Variants in GMDS observed in about 807,000 individuals in gnomAD.
GMDS encodes GDP-mannose 4,6-dehydratase, also known as GDP-mannose 4,6 dehydratase.
GMDS carries 20 observed loss-of-function variants against 49.9 expected under a neutral mutation model. The ratio of observed to expected loss-of-function variants is 0.40; its 90% CI spans 0.28 to 0.58. The LOEUF (loss-of-function observed/expected upper bound fraction) is 0.58. GMDS is among the 20% of genes least tolerant of loss of function. The pLI is 0.42. For synonymous variants in GMDS, 177 were observed against 178.6 expected, an observed-to-expected ratio of 0.99 and a Z score of 0.07; for missense variants, 362 against 481.4, an observed-to-expected ratio of 0.75 and a Z score of 2.32.
At chr6:1,902,288 G>A (rs1046426039) in intron 7 of GMDS, among the ~76,000 whole-genome samples, 1 of 152,114 alleles carries the variant, frequency 6.6e-6, no homozygotes, top group Non-Finnish European at 1.5e-5. Flanking sequence ...TAGAATAAAA[G>A]GCAATGGTAA....
intron 4 of GMDS, among the ~76,000 whole-genome samples, chr6:2,025,988 T>A (rs866323885): frequency 6.6e-6 from 1 of 152,222 alleles, no homozygotes; most frequent in South Asian, 2.1e-4. Context: ...TCCTTAGAAC[T>A]TTTTTACATT....
chr6:1,730,781 T>C (rs1048226668), intron 8 of GMDS, among the ~76,000 whole-genome samples: 5 of 152,042 alleles, frequency 3.3e-5, no homozygotes, highest in African/African-American at 1.2e-4. Flanking sequence ...AGCCACAAGA[T>C]CTAACTATGC....
At chr6:1,840,401 T>C (rs1183460713) in intron 7 of GMDS, among the ~76,000 whole-genome samples, 1 of 152,116 alleles carries the variant, frequency 6.6e-6, no homozygotes, top group Non-Finnish European at 1.5e-5. Flanking sequence ...CCAGCAGTCA[T>C]GAAAATGGCT....
In GMDS at chr6:2,105,139, G is replaced by A. The variant is rs1458859594; in HGVS notation, c.345+10632C>T. On this transcript the variant is annotated intron_variant, in intron 4 of 10. Coordinates refer to ENST00000380815, the MANE Select transcript of GMDS (RefSeq NM_001500.4). ...GGAGCTTGCAGTGAGCGGAGATCAC[G>A]CCACTGCACTCCAGCCTGGGTGACA... 1.1e-4 allele frequency among the ~76,000 whole-genome samples: 15 copies of A among 130,794 alleles called. No individual in the cohort carries two copies. The South Asian group carries it at 2.1e-3, about 19-fold the overall frequency. The allele number at this position is 130,794 out of a possible 152,430, so 85.8% of individuals were successfully genotyped here.
intron 7 of GMDS, among the ~76,000 whole-genome samples, chr6:1,743,094 T>C (rs1298484268): frequency 3.3e-5 from 5 of 152,166 alleles, no homozygotes; most frequent in Non-Finnish European, 5.9e-5. Flanking sequence ...GAGAAGGTAC[T>C]AGTCAAAAAA....
chr6:1,662,084 G>A (rs1764097047), intron 9 of GMDS, among the ~76,000 whole-genome samples: 1 of 152,102 alleles, frequency 6.6e-6, no homozygotes, highest in Non-Finnish European at 1.5e-5. Flanking sequence ...GTGGCTGGAA[G>A]GCATTGTGCG....
chr6:2,047,320 A>G (rs1263880897), intron 4 of GMDS, among the ~76,000 whole-genome samples: 2 of 152,128 alleles, frequency 1.3e-5, no homozygotes, highest in Non-Finnish European at 2.9e-5. Context: ...GGATTCACCA[A>G]TGTAATTTTA....
intron 6 of GMDS, among the ~76,000 whole-genome samples, chr6:1,955,767 CAAA>C (rs60939377): frequency 9.3e-6 from 1 of 107,934 alleles, no homozygotes; most frequent in Non-Finnish European, 2.0e-5. Context: ...ATGAAGTCTT[CAAA>C]AAAAAAAAAG....
chr6:1,909,113 G>A (rs1045491402), intron 7 of GMDS, among the ~76,000 whole-genome samples: 4 of 152,124 alleles, frequency 2.6e-5, no homozygotes, highest in African/African-American at 9.7e-5. Flanking sequence ...CTGCCACTAG[G>A]AATAAAAAGA....
intron 7 of GMDS, among the ~76,000 whole-genome samples, chr6:1,900,334 C>T (rs756138796): frequency 4.6e-5 from 7 of 152,164 alleles, no homozygotes; most frequent in African/African-American, 9.7e-5. Context: ...CAGTGAACAC[C>T]GTCAACAATG....
At chr6:1,710,191 G>C (rs1340221940) in intron 9 of GMDS, among the ~76,000 whole-genome samples, 2 of 152,206 alleles carry the variant, frequency 1.3e-5, no homozygotes, top group Non-Finnish European at 2.9e-5. Flanking sequence ...CACTCTGCCT[G>C]TCAAGTTGAC....
rs1046114157 is a variant in GMDS, at chr6:1,836,651, C to A, written c.771+93452G>T. Among the ~76,000 whole-genome samples, 1 of 152,148 alleles carries A rather than the reference C, an allele frequency of 6.6e-6. No individual in the cohort carries two copies. Among genetic ancestry groups the A allele is most frequent in the Admixed American group, 6.5e-5 (1 of 15,274 alleles). ...CCATAAAAGGGAGATTGGGTAGAAG[C>A]GGCTGATGAACTGGTTACATTAACA... On this transcript the variant is annotated intron_variant, in intron 7 of 10. Coordinates refer to ENST00000380815, the MANE Select transcript of GMDS (RefSeq NM_001500.4). This position sits in a 1 kb window ranked among gnomAD's most constrained non-coding sequence, Gnocchi z 4.2.
At chr6:1,701,475 CT>C (rs2113366288) in intron 9 of GMDS, among the ~76,000 whole-genome samples, 1 of 152,252 alleles carries the variant, frequency 6.6e-6, no homozygotes, top group South Asian at 2.1e-4. Flanking sequence ...TACTCTGACA[CT>C]TTCCCATTCA....
chr6:2,142,181 G>T (rs1776331972), intron 1 of GMDS, among the ~76,000 whole-genome samples: 1 of 152,112 alleles, frequency 6.6e-6, no homozygotes, highest in Non-Finnish European at 1.5e-5. Flanking sequence ...AAAAGAGCAG[G>T]TTCCTGTTCA....
intron 1 of GMDS, among the ~76,000 whole-genome samples, chr6:2,243,787 C>CTTGAAA (rs372373426): frequency 2.3e-4 from 33 of 144,108 alleles, no homozygotes; most frequent in African/African-American, 6.9e-4. Flanking sequence ...GTATTCAATA[C>CTTGAAA]TTGAAATTGT....
At chr6:1,831,720 G>A (rs1171372916) in intron 7 of GMDS, among the ~76,000 whole-genome samples, 2 of 152,100 alleles carry the variant, frequency 1.3e-5, no homozygotes, top group African/African-American at 4.8e-5. Context: ...ATCTGAAGGA[G>A]CTGAAGCCTG....
At chr6:1,694,450 C>T (rs1765272120) in intron 9 of GMDS, among the ~76,000 whole-genome samples, 1 of 152,220 alleles carries the variant, frequency 6.6e-6, no homozygotes, top group African/African-American at 2.4e-5. Flanking sequence ...AACTGAGGCT[C>T]AGGCTCAAGG....
intron 7 of GMDS, among the ~76,000 whole-genome samples, chr6:1,786,360 T>C (rs1392251516): frequency 6.6e-6 from 1 of 152,078 alleles, no homozygotes; most frequent in Non-Finnish European, 1.5e-5. Flanking sequence ...GGAAGCAGGG[T>C]TGGCTATGGG....
At chr6:1,849,132 A>G (rs528946734) in intron 7 of GMDS, among the ~76,000 whole-genome samples, 26 of 152,342 alleles carry the variant, frequency 1.7e-4, no homozygotes, top group Non-Finnish European at 2.9e-4. Context: ...TATAGGTTCT[A>G]AGCAAGTTTC....
Sources: allele counts gnomAD v4.1 joint callset (sites outside exome capture counted in the v4.1 genomes callset), GRCh38; gene constraint gnomAD v4.1.1; non-coding constraint Gnocchi (gnomAD v3.1); transcripts MANE v1.5; gene names NCBI Gene and HGNC (gene_info 2026-07-23, HGNC 2026-07-21).